The following GRM8 variants were observed in gnomAD, a reference collection of about 807,000 sequenced individuals.
The protein encoded by GRM8 is metabotropic glutamate receptor 8.
A neutral mutation model predicts 87.2 loss-of-function variants in GRM8; 47 were observed. The observed-to-expected ratio is 0.54, with a 90% confidence interval of 0.43 to 0.69. GRM8 has a LOEUF of 0.69. Ranked by LOEUF, GRM8 falls within the 30% of genes least tolerant of loss-of-function variation. GRM8 has a pLI of 0.00. For missense variants in GRM8, 1,019 were observed against 1,139.2 expected, an observed-to-expected ratio of 0.89 and a Z score of 1.52; for synonymous variants, 396 against 404.5, an observed-to-expected ratio of 0.98 and a Z score of 0.25.
chr7:126,446,297 G>A lies in GRM8; in HGVS notation c.2506C>T (p.Pro836Ser), dbSNP rs931000415. Reference sequence around the variant, plus strand: ...TGAAAAATTATAATATAAACCTTGGGCATATAGAGCATGCCCAGAGATACT... The same window carrying A: ...TGAAAAATTATAATATAAACCTTGGACATATAGAGCATGCCCAGAGATACT... ...ASVSLGMLYM[P>S]KVYIIIFHPE... is the part of the protein sequence containing the mutation. The change falls in exon 10 of 11, where the codon CCC becomes TCC. Residue 836 changes from proline (P) to serine (S), a missense_variant. Physicochemically the swap from Pro to Ser is moderately conservative, Grantham distance 74 (BLOSUM62 -1). Coordinates refer to ENST00000339582, the MANE Select transcript of GRM8 (RefSeq NM_000845.3). 6.2e-7 allele frequency: 1 copy of A among 1,610,040 alleles called. No individual in the cohort carries two copies. Among genetic ancestry groups the A allele is most frequent in the Non-Finnish European group, 8.5e-7 (1 of 1,177,044 alleles).
At chr7:126,775,938 G>C (rs1819425197) in intron 6 of GRM8, among the ~76,000 whole-genome samples, 1 of 152,008 alleles carries the variant, frequency 6.6e-6, no homozygotes, top group Non-Finnish European at 1.5e-5. Flanking sequence ...TATTACATAA[G>C]ATCTCCAAAT....
chr7:126,967,627 G>A (rs1056362149), intron 3 of GRM8, among the ~76,000 whole-genome samples: 3 of 151,622 alleles, frequency 2.0e-5, no homozygotes, highest in Non-Finnish European at 2.9e-5. Flanking sequence ...TTAGGAAATC[G>A]TCTCTTCCAT....
intron 3 of GRM8, among the ~76,000 whole-genome samples, chr7:127,038,654 G>C (rs1818074868): frequency 6.6e-6 from 1 of 152,068 alleles, no homozygotes; most frequent in Non-Finnish European, 1.5e-5. Context: ...AAATTCAGAA[G>C]ACAGAAAGCT....
At chr7:126,815,512 T>TAATATCA (rs1793704177) in intron 6 of GRM8, among the ~76,000 whole-genome samples, 1 of 152,144 alleles carries the variant, frequency 6.6e-6, no homozygotes, top group Admixed American at 6.5e-5. Flanking sequence ...TAGTAATGCA[T>TAATATCA]AATATCATTG....
intron 3 of GRM8, among the ~76,000 whole-genome samples, chr7:126,959,690 A>G (rs1809109432): frequency 6.6e-6 from 1 of 152,168 alleles, no homozygotes; most frequent in Non-Finnish European, 1.5e-5. Flanking sequence ...TTTTTCCTTT[A>G]AAGGACCCTA....
chr7:126,586,410 T>C (rs1009624226), intron 8 of GRM8, among the ~76,000 whole-genome samples: 4 of 152,126 alleles, frequency 2.6e-5, no homozygotes, highest in South Asian at 2.1e-4. Flanking sequence ...GGAGGCATCA[T>C]GCTACCTGAC....
chr7:126,626,110 G>A (rs965262102), intron 7 of GRM8, among the ~76,000 whole-genome samples: 4 of 151,912 alleles, frequency 2.6e-5, no homozygotes, highest in South Asian at 2.1e-4. Flanking sequence ...AAGTGTGTGT[G>A]TGTGTGTGTG....
chr7:126,973,774 C>G lies in GRM8; in HGVS notation c.728-69091G>C, dbSNP rs149396734. ...AAGAAAGATAAGGCAGAAATTAACC[C>G]ATGATTATTCTCAGTGAAATAAATG... On this transcript the variant is annotated intron_variant, in intron 3 of 10. Transcript: ENST00000339582. 1.8e-3 allele frequency among the ~76,000 whole-genome samples: 278 copies of G among 152,176 alleles called. 1 individual carries two copies. The highest frequency in any genetic ancestry group is 6.5e-3 in the African/African-American group (271 of 41,504).
chr7:126,840,750 C>T (rs561917675), intron 6 of GRM8, among the ~76,000 whole-genome samples: 12 of 152,020 alleles, frequency 7.9e-5, no homozygotes, highest in Admixed American at 3.3e-4. Flanking sequence ...TACTTACTTT[C>T]GAAAGAAAGA....
chr7:126,581,063 T>C (rs1795565669), intron 8 of GRM8, among the ~76,000 whole-genome samples: 1 of 152,044 alleles, frequency 6.6e-6, no homozygotes, highest in South Asian at 2.1e-4. Context: ...GCAGAACCAG[T>C]GTTCTGAGGA....
At chr7:127,033,569 T>C (rs760735300) in intron 3 of GRM8, among the ~76,000 whole-genome samples, 12 of 152,172 alleles carry the variant, frequency 7.9e-5, no homozygotes, top group Non-Finnish European at 1.3e-4. Flanking sequence ...AAAGGTTAAG[T>C]AGTTTGCTCA....
intron 7 of GRM8, among the ~76,000 whole-genome samples, chr7:126,733,451 T>C (rs1338385400): frequency 6.7e-6 from 1 of 150,326 alleles, no homozygotes; most frequent in African/African-American, 2.4e-5. Flanking sequence ...ATAAGTGGCT[T>C]GCTTGGAAAA....
intron 3 of GRM8, among the ~76,000 whole-genome samples, chr7:126,956,995 A>G (rs747439107): frequency 2.0e-5 from 3 of 152,198 alleles, no homozygotes; most frequent in Non-Finnish European, 4.4e-5. Context: ...ATGTTTTTCA[A>G]CTCTAGGTAA....
intron 7 of GRM8, among the ~76,000 whole-genome samples, chr7:126,612,330 A>G (rs979447418): frequency 6.6e-5 from 10 of 152,104 alleles, no homozygotes; most frequent in African/African-American, 2.4e-4. Flanking sequence ...ACCTATACCT[A>G]AAATTCCGGT....
At chr7:126,743,794 G>T (rs776541742) in intron 7 of GRM8, among the ~76,000 whole-genome samples, 1 of 151,938 alleles carries the variant, frequency 6.6e-6, no homozygotes, top group Non-Finnish European at 1.5e-5. Flanking sequence ...CAGATCCCTA[G>T]GGGGCCCCCA....
At chr7:126,828,852 T>G (rs533247980) in intron 6 of GRM8, among the ~76,000 whole-genome samples, 4 of 152,194 alleles carry the variant, frequency 2.6e-5, no homozygotes, top group Non-Finnish European at 5.9e-5. Context: ...GCTATAAATT[T>G]CCCTCTACAC....
At chr7:126,915,632 A>C (rs1484751985) in intron 3 of GRM8, among the ~76,000 whole-genome samples, 1 of 152,210 alleles carries the variant, frequency 6.6e-6, no homozygotes, top group African/African-American at 2.4e-5. Context: ...GAAATGTCTA[A>C]GGAGACATGG....
chr7:126,944,116 G>A (rs1409978611), intron 3 of GRM8, among the ~76,000 whole-genome samples: 1 of 152,194 alleles, frequency 6.6e-6, no homozygotes, highest in East Asian at 1.9e-4. Context: ...AAAATCAGAT[G>A]TTAAGCCTGT....
chr7:126,509,403 G>T (rs532933455), intron 9 of GRM8, among the ~76,000 whole-genome samples: 1 of 151,944 alleles, frequency 6.6e-6, no homozygotes, highest in Non-Finnish European at 1.5e-5. Flanking sequence ...TGGCTGATAC[G>T]CACATAAATA....
Sources: allele counts gnomAD v4.1 joint callset (sites outside exome capture counted in the v4.1 genomes callset), GRCh38; gene constraint gnomAD v4.1.1; transcripts MANE v1.5; gene names NCBI Gene and HGNC (gene_info 2026-07-23, HGNC 2026-07-21).